The following RAB8A variants were observed in gnomAD, a reference collection of about 807,000 sequenced individuals.
RAB8A encodes RAB8A, member RAS oncogene family.
A neutral mutation model predicts 29.2 loss-of-function variants in RAB8A; 5 were observed. The ratio of observed to expected loss-of-function variants is 0.17; its 90% CI spans 0.09 to 0.36. The LOEUF (loss-of-function observed/expected upper bound fraction) is 0.36. RAB8A is among the 10% of genes least tolerant of loss of function. The probability of loss-of-function intolerance (pLI) is 1.00; values close to 1 mark genes in which losing one functional copy is unlikely to be tolerated. For synonymous variants in RAB8A, 108 were observed against 99.9 expected (o/e 1.08, Z -0.49); for missense variants, 171 against 272.2 (o/e 0.63, Z 2.62).
intron 7 of RAB8A, among the ~76,000 whole-genome samples, chr19:16,130,189 C>T (rs149497727): frequency 1.1e-3 from 167 of 151,858 alleles, no homozygotes; most frequent in Non-Finnish European, 2.0e-3. Flanking sequence ...TTTCCTAGTC[C>T]GCTGCGCTCA....
chr19:16,124,633 C>T (rs1200461441), intron 3 of RAB8A: 1 of 152,290 alleles, frequency 6.6e-6, no homozygotes, highest in African/African-American at 2.4e-5. Context: ...AGGGTGGCCC[C>T]CACATGTGGG....
intron 7 of RAB8A, among the ~76,000 whole-genome samples, chr19:16,131,500 G>T (rs2090924161): frequency 1.3e-5 from 2 of 151,760 alleles, no homozygotes. Context: ...TTGCTTGGAA[G>T]GGGATGGATG....
intron 1 of RAB8A, chr19:16,112,326 C>G (rs921119042): frequency 2.0e-5 from 7 of 355,670 alleles, no homozygotes; most frequent in African/African-American, 1.5e-4. Context: ...TCTGTCCTAG[C>G]AGCAGCCCTC....
At position 16,118,114 on chromosome 19, in the gene RAB8A, G is replaced by C. The variant is rs537713089; in HGVS notation, c.125-112G>C. On this transcript the variant is annotated intron_variant, in intron 1 of 7. Coordinates refer to ENST00000300935, the MANE Select transcript of RAB8A (RefSeq NM_005370.5). ...CATCCTGCATGCCCAGCACCAGGCA[G>C]GGTCTCCGTAAGCCACAACAGCTGT... The C allele has an allele frequency of 4.1e-5, 33 of 801,914 alleles. No individual in the cohort carries two copies. In the South Asian group the frequency reaches 4.4e-4, roughly 11 times the overall value. The allele number at this position is 801,914 out of a possible 1,614,324, so 49.7% of individuals were successfully genotyped here.
intron 7 of RAB8A, among the ~76,000 whole-genome samples, chr19:16,130,153 C>CT (rs75161148): frequency 0.16 from 23,153 of 147,402 alleles, 1,905 homozygotes; most frequent in Non-Finnish European, 0.2. Flanking sequence ...TCGTTTCTTG[C>CT]TTTTTTTTTT....
At chr19:16,120,715 ATTG>A (rs2090870985) in intron 2 of RAB8A, among the ~76,000 whole-genome samples, 1 of 149,964 alleles carries the variant, frequency 6.7e-6, no homozygotes, top group Admixed American at 6.7e-5. Flanking sequence ...GGTTCAAGCG[ATTG>A]TTGTGTCTCG....
chr19:16,114,140 A>G (rs1599393891), intron 1 of RAB8A, among the ~76,000 whole-genome samples: 1 of 151,948 alleles, frequency 6.6e-6, no homozygotes, highest in Non-Finnish European at 1.5e-5. Flanking sequence ...ACAGTGGCTC[A>G]CCCATGTAGA....
At chr19:16,113,759 A>G (rs2144981971) in intron 1 of RAB8A, among the ~76,000 whole-genome samples, 1 of 152,312 alleles carries the variant, frequency 6.6e-6, no homozygotes, top group East Asian at 1.9e-4. Context: ...TTGACTGGAA[A>G]TCATTACGTC....
At chr19:16,115,390 A>C (rs1055963716) in intron 1 of RAB8A, among the ~76,000 whole-genome samples, 3 of 152,198 alleles carry the variant, frequency 2.0e-5, no homozygotes, top group South Asian at 2.1e-4. Flanking sequence ...TCAATCCTTA[A>C]CATTTTGCCA....
rs1299312113 is a variant in RAB8A at position 16,125,242 on chromosome 19, C to CG, written c.247-222dup. 8 of 587,122 alleles carry CG rather than the reference C, an allele frequency of 1.4e-5. No homozygotes were observed. Among genetic ancestry groups the CG allele is most frequent in the Admixed American group, 5.9e-5 (2 of 33,648 alleles). The allele number at this position is 587,122 out of a possible 1,614,324, so 36.4% of individuals were successfully genotyped here. ...AGGCAGAAGGGTCACCTCAGCGGCC[C>CG]GGGGGGCAGGACAAGGCTGGTGCCA... On this transcript the variant is annotated intron_variant, in intron 3 of 7. Coordinates refer to ENST00000300935, the MANE Select transcript of RAB8A (RefSeq NM_005370.5). The surrounding 1 kb of genome is among the most constrained non-coding windows in gnomAD (Gnocchi z 5.0).
Position 16,125,243 on chromosome 19 carries a change from G to C in RAB8A, c.247-227G>C, listed in dbSNP as rs1371786147. 5.1e-6 allele frequency: 3 copies of C among 583,696 alleles called. No homozygotes were observed. The highest frequency in any genetic ancestry group is 3.0e-5 in the Admixed American group (1 of 33,562). 36.2% of individuals were successfully genotyped at this position (583,696 alleles called of 1,614,324 possible). A position where few individuals can be genotyped will look rare whatever the true frequency, so the allele number is the denominator to read the frequency against. ...GGCAGAAGGGTCACCTCAGCGGCCC[G>C]GGGGGCAGGACAAGGCTGGTGCCAG... On this transcript the variant is annotated intron_variant, in intron 3 of 7. Coordinates refer to ENST00000300935, the MANE Select transcript of RAB8A (RefSeq NM_005370.5). This position sits in a 1 kb window ranked among gnomAD's most constrained non-coding sequence, Gnocchi z 5.0.
chr19:16,133,157 G>A lies in RAB8A; in HGVS notation c.*853G>A, dbSNP rs927671996. 2.6e-5 allele frequency: 4 copies of A among 152,282 alleles called. No individual in the cohort carries two copies. Among genetic ancestry groups the A allele is most frequent in the African/African-American group, 9.7e-5 (4 of 41,440 alleles). The allele number at this position is 152,282 out of a possible 1,614,324, so 9.4% of individuals were successfully genotyped here. A position where few individuals can be genotyped will look rare whatever the true frequency, so the allele number is the denominator to read the frequency against. On this transcript the variant is annotated 3_prime_UTR_variant, in exon 8 of 8. Coordinates refer to ENST00000300935, the MANE Select transcript of RAB8A (RefSeq NM_005370.5). The stretch of plus-strand genomic sequence containing the variant: ...TCCTCCCGCTATCTCCAAATCGGAC[G>A]TTCTTTCTAGCTGAGATTTTTATTT...
chr19:16,113,592 G>A (rs2090833554), intron 1 of RAB8A, among the ~76,000 whole-genome samples: 2 of 152,158 alleles, frequency 1.3e-5, no homozygotes, highest in Admixed American at 1.3e-4. Context: ...AGTAAATACA[G>A]GGTTTCACTG....
chr19:16,128,533 C>T (rs2090911900), intron 6 of RAB8A, among the ~76,000 whole-genome samples: 1 of 152,224 alleles, frequency 6.6e-6, no homozygotes, highest in South Asian at 2.1e-4. Flanking sequence ...GCGACCCCAG[C>T]CCTGCGGCCG....
rs907355119 is a variant in RAB8A at position 16,132,682 on chromosome 19, G to A, written c.*378G>A. 1 of 194,456 alleles carries A rather than the reference G, an allele frequency of 5.1e-6. No individual in the cohort carries two copies. Among genetic ancestry groups the A allele is most frequent in the African/African-American group, 2.4e-5 (1 of 42,190 alleles). The allele number at this position is 194,456 out of a possible 1,614,324, so 12.0% of individuals were successfully genotyped here. A position where few individuals can be genotyped will look rare whatever the true frequency, so the allele number is the denominator to read the frequency against. On this transcript the variant is annotated 3_prime_UTR_variant, in exon 8 of 8. Transcript: ENST00000300935. The surrounding 1 kb of genome is among the most constrained non-coding windows in gnomAD (Gnocchi z 5.6). Reference sequence around the variant, plus strand: ...AACACAAAGCTCCACCAGGAGGCTGGTTCACGTCCCCTACCACGGAAGCGA... The same window carrying A: ...AACACAAAGCTCCACCAGGAGGCTGATTCACGTCCCCTACCACGGAAGCGA...
chr19:16,111,952 G>C lies in RAB8A; in HGVS notation c.51G>C (p.Ser17=). The C allele has an allele frequency of 6.2e-7, 1 of 1,614,042 alleles. No individual in the cohort carries two copies. The highest frequency in any genetic ancestry group is 8.5e-7 in the Non-Finnish European group (1 of 1,179,878). The change falls in exon 1 of 8, where the codon TCG becomes TCC. Residue 17 remains serine (S), a synonymous_variant. Transcript: ENST00000300935. ...YLFKLLLIGD[S]GVGKTCVLFR... ...TCAAGCTGCTGCTGATCGGGGACTC[G>C]GGGGTGGGGAAGACCTGTGTCCTGT...
At position 16,125,002 on chromosome 19, in the gene RAB8A, CCTGG is replaced by C; in HGVS notation, c.247-467_247-464del. ...TTGTGTGGATGTCGGGTCAGGACTT[CCTGG>C]GCTCAGTTGTGCCTGGTAGGTGGCT... On this transcript the variant is annotated intron_variant, in intron 3 of 7. Coordinates refer to ENST00000300935, the MANE Select transcript of RAB8A (RefSeq NM_005370.5). The surrounding 1 kb of genome is among the most constrained non-coding windows in gnomAD (Gnocchi z 5.0). 6 of 184,496 alleles carry C rather than the reference CCTGG, an allele frequency of 3.3e-5. No individual in the cohort carries two copies. Among genetic ancestry groups the C allele is most frequent in the South Asian group, 1.1e-4 (1 of 8,866 alleles). The allele number at this position is 184,496 out of a possible 1,614,324, so 11.4% of individuals were successfully genotyped here. A position where few individuals can be genotyped will look rare whatever the true frequency, so the allele number is the denominator to read the frequency against.
chr19:16,125,781 G>C lies in RAB8A; in HGVS notation c.324+234G>C. ...CGGAGCCCATCCCTCCAGCTAGGCT[G>C]TTGGATCTGGCCAGTGTCATGGTTA... On this transcript the variant is annotated intron_variant, in intron 4 of 7. Coordinates refer to ENST00000300935, the MANE Select transcript of RAB8A (RefSeq NM_005370.5). The surrounding 1 kb of genome is among the most constrained non-coding windows in gnomAD (Gnocchi z 5.0). 1 of 656,268 alleles carries C rather than the reference G, an allele frequency of 1.5e-6. No individual in the cohort carries two copies. The highest frequency in any genetic ancestry group is 1.8e-5 in the African/African-American group (1 of 56,268). 40.7% of individuals were successfully genotyped at this position (656,268 alleles called of 1,614,324 possible). A position where few individuals can be genotyped will look rare whatever the true frequency, so the allele number is the denominator to read the frequency against.
Position 16,132,318 on chromosome 19 carries a change from A to G in RAB8A, c.*14A>G. ...GTTCTTCTGTGAGGAACACCGCCTT[A>G]CTCTGAGCCTCGCTCAGCCCAGCTG... On this transcript the variant is annotated 3_prime_UTR_variant, in exon 8 of 8. Coordinates refer to ENST00000300935, the MANE Select transcript of RAB8A (RefSeq NM_005370.5). This position sits in a 1 kb window ranked among gnomAD's most constrained non-coding sequence, Gnocchi z 5.6. 5.0e-6 allele frequency: 8 copies of G among 1,612,166 alleles called. No homozygotes were observed. The highest frequency in any genetic ancestry group is 6.8e-6 in the Non-Finnish European group (8 of 1,179,088).
Sources: allele counts gnomAD v4.1 joint callset (sites outside exome capture counted in the v4.1 genomes callset), GRCh38; gene constraint gnomAD v4.1.1; non-coding constraint Gnocchi (gnomAD v3.1); transcripts MANE v1.5; gene names NCBI Gene and HGNC (gene_info 2026-07-23, HGNC 2026-07-21).